LARGE1: variants seen among roughly 807,000 people sequenced by gnomAD.
The protein encoded by LARGE1 is LARGE xylosyl- and glucuronyltransferase 1.
LARGE1 carries 43 observed loss-of-function variants against 87.6 expected under a neutral mutation model. That is an observed-to-expected ratio of 0.49 (90% CI 0.38 to 0.63). The LOEUF is 0.63. LARGE1 is among the 30% of genes least tolerant of loss of function. The probability of loss-of-function intolerance (pLI) is 0.00; values close to 1 mark genes in which losing one functional copy is unlikely to be tolerated. For synonymous variants in LARGE1, 434 were observed against 394.6 expected (o/e 1.10, Z -1.18); for missense variants, 802 against 1,000.2 (o/e 0.80, Z 2.67).
intron 6 of LARGE1, among the ~76,000 whole-genome samples, chr22:33,468,467 A>G (rs553669067): frequency 6.6e-6 from 1 of 152,116 alleles, no homozygotes; most frequent in Non-Finnish European, 1.5e-5. Context: ...AAACCCCAAC[A>G]TCTAATTTTT....
At chr22:33,666,125 G>C (rs528109104) in intron 2 of LARGE1, among the ~76,000 whole-genome samples, 1 of 152,312 alleles carries the variant, frequency 6.6e-6, no homozygotes, top group African/African-American at 2.4e-5. Flanking sequence ...CCACTTGCAG[G>C]AAAGAGAAGC....
At chr22:33,095,093 C>T in the LARGE1 span, among the ~76,000 whole-genome samples, 1 of 152,222 alleles carries the variant, frequency 6.6e-6, no homozygotes, top group Non-Finnish European at 1.5e-5. Flanking sequence ...CGTATTACAA[C>T]GTTCTGTTCA....
chr22:33,585,546 C>A (rs2078647200), intron 5 of LARGE1, among the ~76,000 whole-genome samples: 1 of 152,132 alleles, frequency 6.6e-6, no homozygotes, highest in South Asian at 2.1e-4. Flanking sequence ...CTTCCCTCTT[C>A]CCATCTACAG....
At chr22:33,841,124 G>A (rs907044986) in intron 1 of LARGE1, among the ~76,000 whole-genome samples, 1 of 152,224 alleles carries the variant, frequency 6.6e-6, no homozygotes, top group Non-Finnish European at 1.5e-5. Context: ...TGTAATGTAG[G>A]TTAAATGTAT....
chr22:33,884,141 C>T (rs1377201946), intron 1 of LARGE1, among the ~76,000 whole-genome samples: 1 of 152,234 alleles, frequency 6.6e-6, no homozygotes, highest in Non-Finnish European at 1.5e-5. Context: ...AACCACACCA[C>T]CTGTCTCACC....
chr22:33,631,263 G>A (rs1336726445), intron 3 of LARGE1, among the ~76,000 whole-genome samples: 2 of 152,052 alleles, frequency 1.3e-5, no homozygotes, highest in African/African-American at 2.4e-5. Context: ...GAAGTCCTGG[G>A]CTCAAGCAAT....
At chr22:33,216,645 G>C (rs1397841563) in intron 11 of LARGE1, among the ~76,000 whole-genome samples, 1 of 151,048 alleles carries the variant, frequency 6.6e-6, no homozygotes, top group Non-Finnish European at 1.5e-5. Context: ...AGTAAGACAA[G>C]GATTGTAGAA....
At chr22:33,077,042 C>G in the LARGE1 span, among the ~76,000 whole-genome samples, 1 of 152,100 alleles carries the variant, frequency 6.6e-6, no homozygotes, top group Non-Finnish European at 1.5e-5. Context: ...AAGACTATCT[C>G]AAAAGGTTGC....
intron 11 of LARGE1, among the ~76,000 whole-genome samples, chr22:33,207,613 T>C (rs958390754): frequency 6.6e-6 from 1 of 152,156 alleles, no homozygotes; most frequent in African/African-American, 2.4e-5. Flanking sequence ...CATTGAAAAC[T>C]CATGATCCTC....
chr22:33,551,506 C>A (rs868161595), intron 6 of LARGE1, among the ~76,000 whole-genome samples: 166 of 152,278 alleles, frequency 1.1e-3, no homozygotes, highest in African/African-American at 3.8e-3. Flanking sequence ...GTAGGAGTAA[C>A]CCTGACTTTC....
At chr22:33,894,666 G>T (rs967434631) in intron 1 of LARGE1, among the ~76,000 whole-genome samples, 10 of 152,038 alleles carry the variant, frequency 6.6e-5, no homozygotes, top group Admixed American at 1.3e-4. Context: ...ACAGGGCTTT[G>T]GAGTTCTCAT....
chr22:33,781,115 T>G (rs1432459944), intron 1 of LARGE1, among the ~76,000 whole-genome samples: 1 of 152,226 alleles, frequency 6.6e-6, no homozygotes, highest in Non-Finnish European at 1.5e-5. Context: ...TTTGTCTTAG[T>G]TTGGACGTTT....
intron 11 of LARGE1, among the ~76,000 whole-genome samples, chr22:33,175,821 AC>A (rs1922835807): frequency 6.6e-6 from 1 of 152,204 alleles, no homozygotes; most frequent in Non-Finnish European, 1.5e-5. Flanking sequence ...TTTCAAATAA[AC>A]CAAAAAAGAG....
At chr22:33,181,622 G>T (rs564765107) in intron 11 of LARGE1, among the ~76,000 whole-genome samples, 1 of 151,250 alleles carries the variant, frequency 6.6e-6, no homozygotes, top group African/African-American at 2.4e-5. Flanking sequence ...TCCGACTCCT[G>T]GGTTCATGCC....
intron 1 of LARGE1, among the ~76,000 whole-genome samples, chr22:33,896,375 T>C (rs984935887): frequency 6.6e-6 from 1 of 152,238 alleles, no homozygotes; most frequent in African/African-American, 2.4e-5. Flanking sequence ...CTATTGTGAA[T>C]GACGCTGCTA....
intron 6 of LARGE1, among the ~76,000 whole-genome samples, chr22:33,445,639 G>A (rs2067656516): frequency 6.6e-6 from 1 of 150,410 alleles, no homozygotes; most frequent in South Asian, 2.1e-4. Context: ...TTTGTTCTAA[G>A]GGGGCCACTT....
chr22:33,677,845 T>C (rs1038985630), intron 2 of LARGE1, among the ~76,000 whole-genome samples: 13 of 152,154 alleles, frequency 8.5e-5, no homozygotes, highest in African/African-American at 2.9e-4. Context: ...TAGCTAGGCA[T>C]GGGTTATAGG....
At chr22:33,689,751 C>T (rs7286841) in intron 2 of LARGE1, among the ~76,000 whole-genome samples, 17,253 of 130,830 alleles carry the variant, frequency 0.13, 1,520 homozygotes, top group African/African-American at 0.29. Flanking sequence ...ATGGTGAAAA[C>T]CTGTCTCTAC....
chr22:33,761,432 C>A lies in LARGE1; in HGVS notation c.45G>T (p.Ser15=), dbSNP rs752560976. The A allele has an allele frequency of 1.2e-6, 2 of 1,613,894 alleles. No homozygotes were observed. Among genetic ancestry groups the A allele is most frequent in the African/African-American group, 2.7e-5 (2 of 74,878 alleles). Residue 15 remains serine, a synonymous_variant, in exon 2 of 15, where the codon TCG becomes TCT. Transcript: ENST00000397394. ...CRGRRKFLAA[S]LSLLCIPAIT... is the part of the protein sequence containing the mutation. ...TGGCTGGGATGCAGAGAAGACTCAA[C>A]GAGGCAGCCAAGAATTTCCGTCTCC...
Sources: gnomAD v4.1 joint callset for allele counts (sites outside exome capture counted in the v4.1 genomes callset) on GRCh38, gnomAD v4.1.1 for gene constraint, MANE v1.5 for transcripts, NCBI Gene and HGNC (gene_info 2026-07-23, HGNC 2026-07-21) for gene names.